OTOA: variants seen among roughly 807,000 people sequenced by gnomAD.
OTOA encodes the protein otoancorin.
A neutral mutation model predicts 110.8 loss-of-function variants in OTOA; 70 were observed. The observed-to-expected ratio is 0.63, with a 90% confidence interval of 0.52 to 0.77. The LOEUF (loss-of-function observed/expected upper bound fraction) is 0.77. OTOA is among the 30% of genes least tolerant of loss of function. The pLI is 0.00. For missense variants in OTOA, 917 were observed against 1,075.8 expected (o/e 0.85, Z 2.06); for synonymous variants, 373 against 431.5 (o/e 0.86, Z 1.68).
intron 11 of OTOA, among the ~76,000 whole-genome samples, chr16:21,702,945 A>G (rs1373524480): frequency 6.6e-6 from 1 of 152,180 alleles, no homozygotes; most frequent in East Asian, 1.9e-4. Flanking sequence ...AAGTGCTGGG[A>G]TTAGAGGCAT....
chr16:21,719,630 C>T (rs1189739280), intron 17 of OTOA, 126 bp downstream of exon 17: 1 of 948,538 alleles, frequency 1.1e-6, no homozygotes, highest in African/African-American at 1.6e-5. Flanking sequence ...GACTTAGGGC[C>T]AAAGATTGAG....
chr16:21,719,114 G>T lies in OTOA; in HGVS notation c.1630-19G>T. ...CGCTGAGTGTGCCATCAGTGCTAAC[G>T]ATCATTCTCTTCTCGCAGGCTCTGT... On this transcript the variant is annotated intron_variant, in intron 15 of 28. Coordinates refer to ENST00000646100, the MANE Select transcript of OTOA (RefSeq NM_144672.4). The T allele has an allele frequency of 6.2e-7, 1 of 1,611,728 alleles. No individual in the cohort carries two copies. Among genetic ancestry groups the T allele is most frequent in the Non-Finnish European group, 8.5e-7 (1 of 1,178,344 alleles).
At chr16:21,671,608 G>A (rs74846721) in intron 1 of OTOA, among the ~76,000 whole-genome samples, 25 of 137,088 alleles carry the variant, frequency 1.8e-4, no homozygotes, top group African/African-American at 2.3e-4. Context: ...AAAGAAAAAA[G>A]AAAAAAGAAA....
Position 21,760,623 on chromosome 16 carries a change from C to G in OTOA, c.*83C>G, listed in dbSNP as rs1019338484. 7.9e-6 allele frequency: 10 copies of G among 1,258,542 alleles called. No individual in the cohort carries two copies. In the African/African-American group the frequency reaches 1.4e-4, roughly 18 times the overall value. 78.0% of individuals were successfully genotyped at this position (1,258,542 alleles called of 1,614,324 possible). A position where few individuals can be genotyped will look rare whatever the true frequency, so the allele number is the denominator to read the frequency against. ...CAGGATGCTCCAGATGGTGGGACAC[C>G]CTTCCCTGGATCCAGACCCTCATCT... On this transcript the variant is annotated 3_prime_UTR_variant, in exon 29 of 29. Transcript: ENST00000646100.
intron 12 of OTOA, among the ~76,000 whole-genome samples, chr16:21,706,637 C>G (rs76757709): frequency 6.6e-6 from 1 of 152,108 alleles, no homozygotes; most frequent in Non-Finnish European, 1.5e-5. Flanking sequence ...AATTCTACCC[C>G]CTTCCATTCC....
At position 21,710,108 on chromosome 16, in the gene OTOA, G is replaced by C. The variant is rs756458512; in HGVS notation, c.1320+5G>C. On this transcript the variant is annotated splice_donor_5th_base_variant and intron_variant, in intron 13 of 28. Transcript: ENST00000646100. ...AAATACTTGGCCCATGAGAAGGTCA[G>C]CTGGAGTTTTAAACTCTTTTTTATT... 1.9e-6 allele frequency: 3 copies of C among 1,607,688 alleles called. No homozygotes were observed. In the East Asian group the frequency reaches 6.7e-5, roughly 36 times the overall value.
chr16:21,674,459 G>T (rs973241650), intron 1 of OTOA, among the ~76,000 whole-genome samples: 1 of 151,558 alleles, frequency 6.6e-6, no homozygotes, highest in Non-Finnish European at 1.5e-5. Flanking sequence ...TCAGCCTCCT[G>T]AGTAGCTGGG....
At chr16:21,718,338 G>T (rs11647838) in intron 15 of OTOA, among the ~76,000 whole-genome samples, 6,967 of 152,174 alleles carry the variant, frequency 0.046, 199 homozygotes, top group Middle Eastern at 0.14. Context: ...TGATGGGATT[G>T]CTGTTTCCTG....
At chr16:21,677,929 C>T (rs1387224835) in intron 1 of OTOA, among the ~76,000 whole-genome samples, 1 of 151,858 alleles carries the variant, frequency 6.6e-6, no homozygotes, top group Non-Finnish European at 1.5e-5. Context: ...CTCTGTTGCC[C>T]AGGCTGGAGT....
At chr16:21,759,746 C>A (rs1900109096) in intron 28 of OTOA, among the ~76,000 whole-genome samples, 2 of 151,860 alleles carry the variant, frequency 1.3e-5, no homozygotes, top group South Asian at 4.2e-4. Flanking sequence ...ACTAAAAATG[C>A]AAAAATTAGC....
intron 1 of OTOA, among the ~76,000 whole-genome samples, chr16:21,666,921 A>G (rs189490308): frequency 6.6e-6 from 1 of 152,300 alleles, no homozygotes; most frequent in East Asian, 1.9e-4. Context: ...CAGTAACCTG[A>G]AACCTCTCTG....
At chr16:21,698,982 G>A (rs944196835) in intron 10 of OTOA, among the ~76,000 whole-genome samples, 2 of 152,080 alleles carry the variant, frequency 1.3e-5, no homozygotes, top group African/African-American at 2.4e-5. Flanking sequence ...ATGGAGTCTC[G>A]TTCTGTCGTC....
chr16:21,716,930 C>T lies in OTOA; in HGVS notation c.1512C>T (p.Ala504=). ...AGATGGTCCAAGCGGAAGACACTGC[C>T]CCAGGCATCGTGGAGATACAAGGGG... ...LSKMVQAEDT[A]PGIVEIQGAF... is the part of the protein sequence containing the mutation. Residue 504 remains alanine, a synonymous_variant, in exon 15 of 29, where the codon GCC becomes GCT. Transcript: ENST00000646100. The T allele has an allele frequency of 6.2e-7, 1 of 1,613,884 alleles. No individual in the cohort carries two copies. Among genetic ancestry groups the T allele is most frequent in the East Asian group, 2.2e-5 (1 of 44,850 alleles).
chr16:21,678,775 C>T, intron 2 of OTOA, 140 bp from the exon 3 acceptor site: 1 of 1,236,442 alleles, frequency 8.1e-7, no homozygotes, highest in South Asian at 1.2e-5. Flanking sequence ...ACGGTTTTCT[C>T]AGAGTGGACA....
At chr16:21,672,465 A>G (rs1966850523) in intron 1 of OTOA, among the ~76,000 whole-genome samples, 1 of 152,016 alleles carries the variant, frequency 6.6e-6, no homozygotes, top group Non-Finnish European at 1.5e-5. Flanking sequence ...TCTACTAAAA[A>G]TACAAAAATT....
At chr16:21,726,437 G>A in intron 18 of OTOA, 86 bp from the exon 19 acceptor site, 3 of 1,550,478 alleles carry the variant, frequency 1.9e-6, no homozygotes, top group South Asian at 1.1e-5. Context: ...TCTTTGGGAT[G>A]AGCTCTTGGG....
chr16:21,705,392 G>A (rs1898142592), intron 12 of OTOA, 100 bp downstream of exon 12: 2 of 1,575,012 alleles, frequency 1.3e-6, no homozygotes, highest in African/African-American at 1.3e-5. Flanking sequence ...AAAACACACA[G>A]CATTAGTCGG....
intron 5 of OTOA, 36 bp downstream of exon 5, chr16:21,679,247 T>C: frequency 3.7e-6 from 6 of 1,601,220 alleles, no homozygotes; most frequent in Non-Finnish European, 5.1e-6. Flanking sequence ...AGGGATGGTA[T>C]AGATTTTTAA....
chr16:21,729,346 A>AT (rs1346261996), intron 20 of OTOA, among the ~76,000 whole-genome samples: 1 of 152,132 alleles, frequency 6.6e-6, no homozygotes, highest in Admixed American at 6.6e-5. Flanking sequence ...CCTAGAGACT[A>AT]TTTTTAATAC....
Sources: gnomAD v4.1 joint callset for allele counts (sites outside exome capture counted in the v4.1 genomes callset) on GRCh38, gnomAD v4.1.1 for gene constraint, MANE v1.5 for transcripts, NCBI Gene and HGNC (gene_info 2026-07-23, HGNC 2026-07-21) for gene names.